FARSB: variants seen among roughly 807,000 people sequenced by gnomAD.
FARSB encodes the protein phenylalanine--tRNA ligase beta subunit.
A neutral mutation model predicts 69.6 loss-of-function variants in FARSB; 40 were observed. The ratio of observed to expected loss-of-function variants is 0.57; its 90% CI spans 0.45 to 0.75. The LOEUF is 0.75. Among genes scored for constraint, FARSB ranks in the 30% least tolerant of loss-of-function variants. The probability of loss-of-function intolerance (pLI) is 0.00; values close to 1 mark genes in which losing one functional copy is unlikely to be tolerated. For synonymous variants in FARSB, 235 were observed against 247.2 expected, an observed-to-expected ratio of 0.95 and a Z score of 0.46; for missense variants, 632 against 722.9, an observed-to-expected ratio of 0.87 and a Z score of 1.44.
chr2:222,626,243 C>CAAA (rs36117232), intron 10 of FARSB, among the ~76,000 whole-genome samples: 334 of 54,590 alleles, frequency 6.1e-3, no homozygotes, highest in East Asian at 0.014. Context: ...GACTCCATCT[C>CAAA]AAAAAAAAAA....
rs1005158181 is a variant in FARSB at position 222,637,254 on chromosome 2, A to G, written c.455+2326T>C. 1.6e-4 allele frequency among the ~76,000 whole-genome samples: 24 copies of G among 152,170 alleles called. 1 individual carries two copies. The highest frequency in any genetic ancestry group is 5.8e-4 in the African/African-American group (24 of 41,428). On this transcript the variant is annotated intron_variant, in intron 5 of 16. Coordinates refer to ENST00000281828, the MANE Select transcript of FARSB (RefSeq NM_005687.5). The stretch of plus-strand genomic sequence containing the variant: ...AGGGCAGCAATCCCTGAGACACAGG[A>G]AACAAGTGAGGTGAGCCCTGACTAT...
intron 9 of FARSB, 123 bp from the exon 10 acceptor site, chr2:222,629,011 CGCATTCCA>C (rs1691348141): frequency 2.9e-6 from 2 of 699,802 alleles, no homozygotes; most frequent in South Asian, 3.4e-5. Context: ...CTCCATCTAT[CGCATTCCA>C]GCACTGTTTG....
chr2:222,580,489 C>T (rs1370415937), intron 16 of FARSB, among the ~76,000 whole-genome samples: 4 of 116,234 alleles, frequency 3.4e-5, no homozygotes, highest in East Asian at 6.7e-4. Context: ...AGTGAGACAA[C>T]ATCTCAAAAA....
chr2:222,609,869 A>G (rs1199614254), intron 15 of FARSB, among the ~76,000 whole-genome samples: 1 of 152,234 alleles, frequency 6.6e-6, no homozygotes, highest in Non-Finnish European at 1.5e-5. Flanking sequence ...TGTGGGAGGC[A>G]TATCGAAATC....
intron 16 of FARSB, among the ~76,000 whole-genome samples, chr2:222,596,193 T>C (rs779296991): frequency 1.3e-5 from 2 of 152,130 alleles, no homozygotes; most frequent in Non-Finnish European, 2.9e-5. Flanking sequence ...CTGGGTGCTT[T>C]TGCAGATACT....
intron 16 of FARSB, among the ~76,000 whole-genome samples, chr2:222,581,368 T>C (rs1263177652): frequency 6.6e-6 from 1 of 152,178 alleles, no homozygotes; most frequent in Non-Finnish European, 1.5e-5. Context: ...TGCTGACAGA[T>C]GAATGAAACT....
intron 5 of FARSB, among the ~76,000 whole-genome samples, chr2:222,639,094 A>G (rs1399753158): frequency 1.3e-5 from 2 of 152,230 alleles, no homozygotes; most frequent in Non-Finnish European, 2.9e-5. Flanking sequence ...AATAAGTAAA[A>G]TTTAGTCATT....
intron 15 of FARSB, among the ~76,000 whole-genome samples, chr2:222,601,284 T>C (rs1161964453): frequency 6.6e-6 from 1 of 152,076 alleles, no homozygotes; most frequent in Non-Finnish European, 1.5e-5. Flanking sequence ...ACCACAATAA[T>C]AATAATTTTT....
rs563904618 is a variant in FARSB, at chr2:222,633,495, C to T, written c.607-188G>A. Among the ~76,000 whole-genome samples, 109 of 151,844 alleles carry T rather than the reference C, an allele frequency of 7.2e-4. 1 individual carries two copies. The highest frequency in any genetic ancestry group is 2.5e-4 in the Non-Finnish European group (17 of 67,938). ...GTTGGGAGTTCAAGACCAGCCTGAC[C>T]AACATGGAGAAACCCCATCTCAACT... On this transcript the variant is annotated intron_variant, in intron 6 of 16. Transcript: ENST00000281828.
intron 16 of FARSB, among the ~76,000 whole-genome samples, chr2:222,584,977 G>A (rs545093062): frequency 1.9e-4 from 29 of 152,348 alleles, no homozygotes; most frequent in African/African-American, 7.0e-4. Flanking sequence ...CTGTCTGACA[G>A]CTTTGAAGAG....
chr2:222,641,399 G>A (rs1031407133), intron 3 of FARSB, among the ~76,000 whole-genome samples: 3 of 152,222 alleles, frequency 2.0e-5, no homozygotes, highest in Non-Finnish European at 2.9e-5. Context: ...GGTAAATGGT[G>A]CATTTTGAAG....
intron 5 of FARSB, among the ~76,000 whole-genome samples, chr2:222,635,162 C>T (rs1691547596): frequency 6.6e-6 from 1 of 151,920 alleles, no homozygotes; most frequent in Admixed American, 6.6e-5. Context: ...CAGCAAGCAA[C>T]AAAATAGGAG....
intron 2 of FARSB, among the ~76,000 whole-genome samples, chr2:222,647,319 A>G (rs1261532765): frequency 2.0e-5 from 3 of 152,188 alleles, no homozygotes; most frequent in East Asian, 1.9e-4. Flanking sequence ...CACAAATTCT[A>G]CGGAGCCTGG....
intron 15 of FARSB, among the ~76,000 whole-genome samples, chr2:222,600,814 T>C (rs147241904): frequency 1.3e-5 from 2 of 152,316 alleles, no homozygotes; most frequent in African/African-American, 2.4e-5. Flanking sequence ...GGAGGGGTCA[T>C]ATAAGAAGCT....
chr2:222,582,873 C>T (rs527568241), intron 16 of FARSB, among the ~76,000 whole-genome samples: 6 of 150,706 alleles, frequency 4.0e-5, no homozygotes, highest in East Asian at 1.9e-4. Flanking sequence ...TGCAGTGAGC[C>T]GAGATCACGC....
chr2:222,586,802 G>T (rs1482758434), intron 16 of FARSB, among the ~76,000 whole-genome samples: 4 of 152,136 alleles, frequency 2.6e-5, no homozygotes, highest in African/African-American at 7.2e-5. Flanking sequence ...AACAAGAAGA[G>T]CTAACTATCC....
chr2:222,612,893 A>T (rs1184485701), intron 15 of FARSB, among the ~76,000 whole-genome samples: 2 of 152,210 alleles, frequency 1.3e-5, no homozygotes, highest in Non-Finnish European at 2.9e-5. Flanking sequence ...CAAGCAACCC[A>T]CTGTACTAAC....
intron 1 of FARSB, among the ~76,000 whole-genome samples, chr2:222,650,885 G>A (rs1262682901): frequency 6.6e-6 from 1 of 152,184 alleles, no homozygotes; most frequent in Non-Finnish European, 1.5e-5. Context: ...ATAAAGGCTT[G>A]TTTTACACTC....
intron 15 of FARSB, among the ~76,000 whole-genome samples, chr2:222,601,375 G>C (rs1478729622): frequency 6.6e-6 from 1 of 151,842 alleles, no homozygotes; most frequent in East Asian, 1.9e-4. Context: ...GCAAGAGTTT[G>C]AGACCAACCT....
Sources: gnomAD v4.1 joint callset for allele counts (sites outside exome capture counted in the v4.1 genomes callset) on GRCh38, gnomAD v4.1.1 for gene constraint, MANE v1.5 for transcripts, NCBI Gene and HGNC (gene_info 2026-07-23, HGNC 2026-07-21) for gene names.